Variants in EYS observed in about 807,000 individuals in gnomAD.
The protein encoded by EYS is EGF-like photoreceptor maintenance factor, also known as protein eyes shut homolog.
In EYS, 250 loss-of-function variants were observed where a neutral mutation model predicts 282.1. The ratio of observed to expected loss-of-function variants is 0.89; its 90% confidence interval spans 0.80 to 0.98. The LOEUF (loss-of-function observed/expected upper bound fraction) is 0.98. Ranked by LOEUF, EYS falls within the 50% of genes least tolerant of loss-of-function variation. EYS has a pLI of 0.00. For synonymous variants in EYS, 1,355 were observed against 1,282.9 expected (o/e 1.06, Z -1.20); for missense variants, 4,016 against 3,709.0 (o/e 1.08, Z -2.15).
intron 35 of EYS, among the ~76,000 whole-genome samples, chr6:63,977,587 C>G (rs1766898533): frequency 6.6e-6 from 1 of 151,880 alleles, no homozygotes. Flanking sequence ...GGGATGTCAG[C>G]AGGTAAGGAG....
intron 12 of EYS, among the ~76,000 whole-genome samples, chr6:65,130,939 A>C (rs912783977): frequency 2.0e-5 from 3 of 151,692 alleles, no homozygotes; most frequent in African/African-American, 7.2e-5. Context: ...TAACTCAATA[A>C]GAAAGAAAAA....
intron 2 of EYS, among the ~76,000 whole-genome samples, chr6:65,521,449 C>G (rs1160721738): frequency 6.6e-6 from 1 of 152,080 alleles, no homozygotes; most frequent in African/African-American, 2.4e-5. Flanking sequence ...AGAACTCAGA[C>G]CTTCCAAATA....
intron 12 of EYS, among the ~76,000 whole-genome samples, chr6:65,241,027 T>C (rs148841014): frequency 5.3e-4 from 81 of 152,292 alleles, no homozygotes; most frequent in African/African-American, 1.7e-3. Context: ...TGCATAAATA[T>C]TTTTCTAATT....
At chr6:64,937,541 G>T (rs1768949539) in intron 15 of EYS, among the ~76,000 whole-genome samples, 1 of 151,534 alleles carries the variant, frequency 6.6e-6, no homozygotes, top group Admixed American at 6.6e-5. Flanking sequence ...GTTAAGATGA[G>T]CTGTATTATT....
At chr6:64,176,600 A>G (rs748645263) in intron 31 of EYS, among the ~76,000 whole-genome samples, 4 of 151,998 alleles carry the variant, frequency 2.6e-5, no homozygotes, top group Non-Finnish European at 4.4e-5. Context: ...TATTTTGGAG[A>G]AACATGAAAA....
chr6:65,476,321 T>C lies in EYS; in HGVS notation c.862+14273A>G, dbSNP rs190239079. On this transcript the variant is annotated intron_variant, in intron 5 of 42. Coordinates refer to ENST00000503581, the MANE Select transcript of EYS (RefSeq NM_001142800.2). ...CCATAGATAGACTAACAAATACTAA[T>C]AGAATAAAATCTAATGCATAAAGGA... Among the ~76,000 whole-genome samples, 11 of 152,256 alleles carry C rather than the reference T, an allele frequency of 7.2e-5. No homozygotes were observed. The East Asian group carries it at 2.1e-3, about 29-fold the overall frequency.
At chr6:64,518,170 A>C (rs1777619810) in intron 26 of EYS, among the ~76,000 whole-genome samples, 1 of 151,834 alleles carries the variant, frequency 6.6e-6, no homozygotes, top group African/African-American at 2.4e-5. Context: ...CAAAGTGACA[A>C]ATTCCTAAAG....
At chr6:64,341,804 C>A (rs906647309) in intron 29 of EYS, among the ~76,000 whole-genome samples, 1 of 151,628 alleles carries the variant, frequency 6.6e-6, no homozygotes, top group South Asian at 2.1e-4. Context: ...CCATTAATCT[C>A]TATGTCAGTG....
chr6:65,053,276 G>T (rs1161045104), intron 13 of EYS, among the ~76,000 whole-genome samples: 1 of 151,614 alleles, frequency 6.6e-6, no homozygotes, highest in Non-Finnish European at 1.5e-5. Context: ...CAAATTCTCA[G>T]AAAAACACTC....
chr6:64,459,894 A>G (rs935098506), intron 26 of EYS, among the ~76,000 whole-genome samples: 1 of 151,916 alleles, frequency 6.6e-6, no homozygotes, highest in African/African-American at 2.4e-5. Context: ...CTTCATTCCA[A>G]TCAAGTTGAC....
chr6:64,161,751 C>T (rs1456374303), intron 31 of EYS, among the ~76,000 whole-genome samples: 1 of 152,062 alleles, frequency 6.6e-6, no homozygotes, highest in Admixed American at 6.6e-5. Context: ...TATGCAGGAC[C>T]TGTTTCTACA....
At chr6:65,275,177 T>G (rs187185692) in intron 12 of EYS, among the ~76,000 whole-genome samples, 18 of 152,264 alleles carry the variant, frequency 1.2e-4, no homozygotes, top group Admixed American at 1.2e-3. Context: ...TAGGTTCCTA[T>G]AGGTAAATCA....
intron 2 of EYS, among the ~76,000 whole-genome samples, chr6:65,531,215 A>G (rs918433330): frequency 1.3e-5 from 2 of 152,144 alleles, no homozygotes; most frequent in African/African-American, 4.8e-5. Flanking sequence ...ATAGAAATTA[A>G]TGTTCTCCCG....
intron 29 of EYS, among the ~76,000 whole-genome samples, chr6:64,384,049 C>A (rs907645174): frequency 6.6e-6 from 1 of 152,142 alleles, no homozygotes; most frequent in African/African-American, 2.4e-5. Context: ...GAATCTCTCA[C>A]AAGTCCTTAA....
chr6:63,791,332 G>A lies in EYS; in HGVS notation c.7412-2108C>T, dbSNP rs188650163. On this transcript the variant is annotated intron_variant, in intron 37 of 42. Coordinates refer to ENST00000503581, the MANE Select transcript of EYS (RefSeq NM_001142800.2). ...TGTAATCCCAGCACTTTGGGAGACCGAGGCGGGCAGATCATGAGGTCAGGA... is the reference window on the plus strand; with the variant it reads ...TGTAATCCCAGCACTTTGGGAGACCAAGGCGGGCAGATCATGAGGTCAGGA... Among the ~76,000 whole-genome samples the A allele has an allele frequency of 4.3e-3, 658 of 152,248 alleles. 2 individuals are homozygous for A. Among genetic ancestry groups the A allele is most frequent in the Non-Finnish European group, 6.2e-3 (421 of 68,026 alleles).
At chr6:63,791,577 CAAA>C (rs889736940) in intron 37 of EYS, among the ~76,000 whole-genome samples, 7 of 52,724 alleles carry the variant, frequency 1.3e-4, no homozygotes, top group African/African-American at 3.6e-4. Flanking sequence ...GACTCCCTCT[CAAA>C]AAAAAAAAAA....
At chr6:64,205,173 T>C (rs1179763289) in intron 31 of EYS, among the ~76,000 whole-genome samples, 2 of 152,184 alleles carry the variant, frequency 1.3e-5, no homozygotes, top group Non-Finnish European at 2.9e-5. Flanking sequence ...TTAAAATCAT[T>C]TAAAAATATT....
At chr6:64,826,319 C>T (rs1765054307) in intron 19 of EYS, among the ~76,000 whole-genome samples, 3 of 151,858 alleles carry the variant, frequency 2.0e-5, no homozygotes, top group Admixed American at 6.6e-5. Context: ...TTCCACCTAC[C>T]CTCCTGCCTG....
chr6:65,365,997 C>G lies in EYS; in HGVS notation c.1300-12380G>C, dbSNP rs944909729. Among the ~76,000 whole-genome samples the G allele has an allele frequency of 6.6e-5, 10 of 151,710 alleles. 1 individual carries two copies. The highest frequency in any genetic ancestry group is 1.9e-4 in the African/African-American group (8 of 41,406). ...AATCATGTAGATACCAATTTCTAAA[C>G]ATTAGATGTTCATATTGGGAAGAAT... On this transcript the variant is annotated intron_variant, in intron 8 of 42. Transcript: ENST00000503581.
Sources: gnomAD v4.1 joint callset for allele counts (sites outside exome capture counted in the v4.1 genomes callset) on GRCh38, gnomAD v4.1.1 for gene constraint, MANE v1.5 for transcripts, NCBI Gene and HGNC (gene_info 2026-07-23, HGNC 2026-07-21) for gene names.